PACRG: variants seen among roughly 807,000 people sequenced by gnomAD.
PACRG encodes the protein parkin coregulated.
PACRG carries 29 observed loss-of-function variants against 29.7 expected under a neutral mutation model. The ratio of observed to expected loss-of-function variants is 0.98; its 90% CI spans 0.73 to 1.33. PACRG has a LOEUF of 1.33. Among genes scored for constraint, PACRG ranks in the 40% most tolerant of loss-of-function variants. The pLI is 0.00. For synonymous variants in PACRG, 116 were observed against 118.7 expected, an observed-to-expected ratio of 0.98 and a Z score of 0.15; for missense variants, 279 against 316.2, an observed-to-expected ratio of 0.88 and a Z score of 0.89.
intron 4 of PACRG, among the ~76,000 whole-genome samples, chr6:163,201,419 C>A (rs902179898): frequency 6.6e-6 from 1 of 152,148 alleles, no homozygotes; most frequent in Non-Finnish European, 1.5e-5. Context: ...TAAAGAGATT[C>A]GGGTGTTCCC....
intron 1 of PACRG, among the ~76,000 whole-genome samples, chr6:162,800,109 T>A (rs960430923): frequency 1.3e-5 from 2 of 152,186 alleles, no homozygotes; most frequent in Non-Finnish European, 2.9e-5. Context: ...TAAATTGAAG[T>A]CTCTGATGAC....
At chr6:162,968,221 T>G (rs1209019301) in intron 2 of PACRG, among the ~76,000 whole-genome samples, 2 of 152,218 alleles carry the variant, frequency 1.3e-5, no homozygotes, top group East Asian at 3.9e-4. Flanking sequence ...TCTCTATCAC[T>G]ACTCCAGGTT....
intron 2 of PACRG, among the ~76,000 whole-genome samples, chr6:163,040,183 G>T (rs931627415): frequency 8.5e-5 from 13 of 152,228 alleles, no homozygotes; most frequent in Non-Finnish European, 1.5e-4. Flanking sequence ...TACAGATCAG[G>T]CCATTGCCTC....
At chr6:163,075,324 C>A (rs576815044) in intron 3 of PACRG, among the ~76,000 whole-genome samples, 24 of 152,198 alleles carry the variant, frequency 1.6e-4, no homozygotes, top group African/African-American at 5.8e-4. Flanking sequence ...TACCAAACAG[C>A]TGAAGAAAAA....
rs372159082 is a variant in PACRG at position 163,218,938 on chromosome 6, C to T, written c.614-95889C>T. ...CATTCGTGTCTGGAAGCCTTGGATT[C>T]GGCCAAATATCCTCCAACGCACAGG... On this transcript the variant is annotated intron_variant, in intron 4 of 4. Transcript: ENST00000366888. Among the ~76,000 whole-genome samples, 11 of 152,362 alleles carry T rather than the reference C, an allele frequency of 7.2e-5. No homozygotes were observed. In the East Asian group the frequency reaches 1.4e-3, roughly 19 times the overall value.
chr6:163,204,547 G>A (rs1057277013), intron 4 of PACRG, among the ~76,000 whole-genome samples: 5 of 152,094 alleles, frequency 3.3e-5, no homozygotes, highest in African/African-American at 1.2e-4. Flanking sequence ...GGAAACCCGG[G>A]GCTGTAATGC....
At chr6:162,871,895 T>C (rs1343552781) in intron 2 of PACRG, among the ~76,000 whole-genome samples, 3 of 151,332 alleles carry the variant, frequency 2.0e-5, no homozygotes. Flanking sequence ...CCAGCCTGGG[T>C]GACAGAGCCA....
intron 4 of PACRG, among the ~76,000 whole-genome samples, chr6:163,101,910 AT>A (rs1478790662): frequency 2.0e-5 from 3 of 152,172 alleles, no homozygotes; most frequent in Non-Finnish European, 4.4e-5. Flanking sequence ...TCCTTCACTG[AT>A]TCATTTAAAC....
intron 1 of PACRG, among the ~76,000 whole-genome samples, chr6:162,730,315 T>C (rs1779663913): frequency 6.6e-6 from 1 of 152,170 alleles, no homozygotes; most frequent in African/African-American, 2.4e-5. Context: ...TTCTCAGCAT[T>C]ATAAGGTGAA....
intron 1 of PACRG, among the ~76,000 whole-genome samples, chr6:162,798,445 C>G (rs1309831221): frequency 1.3e-5 from 2 of 152,176 alleles, no homozygotes; most frequent in Non-Finnish European, 2.9e-5. Flanking sequence ...TATTTCCTCT[C>G]TCTCCTTCCT....
chr6:163,233,227 T>C lies in PACRG; in HGVS notation c.614-81600T>C, dbSNP rs6455879. 6.2e-3 allele frequency among the ~76,000 whole-genome samples: 950 copies of C among 152,208 alleles called. 6 individuals are homozygous for C. Among genetic ancestry groups the C allele is most frequent in the Middle Eastern group, 0.01 (3 of 294 alleles). ...TACTTTCATGTTTTCTACATCTCTG[T>C]TAGGAGATTTAAATTATTTAGGGAC... On this transcript the variant is annotated intron_variant, in intron 4 of 4. Coordinates refer to ENST00000366888, the MANE Select transcript of PACRG (RefSeq NM_001080379.2).
chr6:162,981,645 A>T (rs1280257973), intron 2 of PACRG, among the ~76,000 whole-genome samples: 2 of 152,056 alleles, frequency 1.3e-5, no homozygotes, highest in African/African-American at 4.8e-5. Context: ...TCATTTTCAC[A>T]ATATTGATTC....
At chr6:163,288,935 A>C (rs532306917) in intron 4 of PACRG, among the ~76,000 whole-genome samples, 1 of 152,334 alleles carries the variant, frequency 6.6e-6, no homozygotes, top group South Asian at 2.1e-4. Context: ...TCCTTAGTGC[A>C]ATTAACTGTG....
intron 1 of PACRG, among the ~76,000 whole-genome samples, chr6:162,780,674 T>C (rs1354957601): frequency 6.6e-6 from 1 of 152,100 alleles, no homozygotes; most frequent in Non-Finnish European, 1.5e-5. Context: ...AGCTAGAAGA[T>C]ACATCTTACA....
At chr6:162,882,872 T>C (rs1794016634) in intron 2 of PACRG, among the ~76,000 whole-genome samples, 2 of 152,170 alleles carry the variant, frequency 1.3e-5, no homozygotes, top group African/African-American at 4.8e-5. Flanking sequence ...AAGTGTTATT[T>C]CCCAAACCTT....
chr6:162,931,463 A>C (rs1797848263), intron 2 of PACRG, among the ~76,000 whole-genome samples: 1 of 151,878 alleles, frequency 6.6e-6, no homozygotes, highest in African/African-American at 2.4e-5. Context: ...TATGTTTTAC[A>C]TTTAGGTCCA....
intron 1 of PACRG, among the ~76,000 whole-genome samples, chr6:162,748,251 G>A (rs1781239444): frequency 6.6e-6 from 1 of 152,138 alleles, no homozygotes; most frequent in African/African-American, 2.4e-5. Flanking sequence ...AGCACTTTGG[G>A]AGGCCGAGGC....
At chr6:163,125,783 T>C (rs189278791) in intron 4 of PACRG, among the ~76,000 whole-genome samples, 1 of 152,344 alleles carries the variant, frequency 6.6e-6, no homozygotes, top group Admixed American at 6.5e-5. Context: ...TAAGTGTGTA[T>C]ACCATTCAAC....
chr6:162,889,728 T>C (rs950990555), intron 2 of PACRG, among the ~76,000 whole-genome samples: 1 of 152,252 alleles, frequency 6.6e-6, no homozygotes, highest in African/African-American at 2.4e-5. Flanking sequence ...CTACCAAATA[T>C]ATTAACTGAG....
Sources: gnomAD v4.1 joint callset for allele counts (sites outside exome capture counted in the v4.1 genomes callset) on GRCh38, gnomAD v4.1.1 for gene constraint, MANE v1.5 for transcripts, NCBI Gene and HGNC (gene_info 2026-07-23, HGNC 2026-07-21) for gene names.